LRRC49: variants seen among roughly 807,000 people sequenced by gnomAD.
LRRC49 encodes leucine-rich repeat-containing protein 49.
LRRC49 carries 50 observed loss-of-function variants against 83.3 expected under a neutral mutation model. That is an observed-to-expected ratio of 0.60 (90% CI 0.48 to 0.76). The LOEUF (loss-of-function observed/expected upper bound fraction) is 0.76, where lower values mean the gene tolerates loss of function less well. Ranked by LOEUF, LRRC49 falls within the 30% of genes least tolerant of loss-of-function variation. LRRC49 has a pLI of 0.00. For missense variants in LRRC49, 704 were observed against 809.1 expected, an observed-to-expected ratio of 0.87 and a Z score of 1.58; for synonymous variants, 286 against 283.3, an observed-to-expected ratio of 1.01 and a Z score of -0.10.
intron 14 of LRRC49, among the ~76,000 whole-genome samples, chr15:71,021,247 C>T (rs767744489): frequency 2.6e-5 from 4 of 152,056 alleles, no homozygotes; most frequent in Non-Finnish European, 4.4e-5. Flanking sequence ...CATATGTAGT[C>T]GGAAGGAGTA....
At chr15:70,879,986 G>A (rs1404093868) in intron 2 of LRRC49, among the ~76,000 whole-genome samples, 2 of 152,252 alleles carry the variant, frequency 1.3e-5, no homozygotes, top group South Asian at 2.1e-4. Context: ...CTCTGATACC[G>A]TAACATGGTC....
At chr15:71,018,962 A>G (rs1317629795) in intron 14 of LRRC49, among the ~76,000 whole-genome samples, 1 of 152,148 alleles carries the variant, frequency 6.6e-6, no homozygotes, top group Non-Finnish European at 1.5e-5. Flanking sequence ...AGATATTACA[A>G]AGGATACAGA....
chr15:70,965,386 T>G (rs1282585430), intron 9 of LRRC49, among the ~76,000 whole-genome samples: 2 of 152,122 alleles, frequency 1.3e-5, no homozygotes, highest in African/African-American at 4.8e-5. Context: ...TTTTACCAGT[T>G]ATATCAATAT....
At chr15:70,903,203 A>T (rs141179930) in intron 4 of LRRC49, among the ~76,000 whole-genome samples, 4 of 152,274 alleles carry the variant, frequency 2.6e-5, no homozygotes, top group African/African-American at 9.6e-5. Context: ...GCACAAAGAT[A>T]CAAATTTTAA....
rs1455863418 is a variant in LRRC49, at chr15:71,050,595, G to A, written c.*983G>A. On this transcript the variant is annotated 3_prime_UTR_variant, in exon 16 of 16. Transcript: ENST00000260382. ...TTTCGGTTTGCTTAGATTTTACCTA[G>A]CAGCTATTATGTCAGCAGGACCACC... is the stretch of plus-strand genomic sequence containing the variant. 1 of 152,100 alleles carries A rather than the reference G, an allele frequency of 6.6e-6. No individual in the cohort carries two copies. Among genetic ancestry groups the A allele is most frequent in the Non-Finnish European group, 1.5e-5 (1 of 68,032 alleles). 9.4% of individuals were successfully genotyped at this position (152,100 alleles called of 1,614,324 possible). A position where few individuals can be genotyped will look rare whatever the true frequency, so the allele number is the denominator to read the frequency against.
intron 10 of LRRC49, among the ~76,000 whole-genome samples, chr15:70,981,296 A>G (rs2037387589): frequency 6.9e-6 from 1 of 145,366 alleles, no homozygotes; most frequent in South Asian, 2.4e-4. Context: ...TTGAACAATG[A>G]GAACACATGG....
intron 1 of LRRC49, chr15:70,854,181 C>T (rs1488589796): frequency 5.2e-6 from 5 of 954,388 alleles, no homozygotes; most frequent in Non-Finnish European, 6.6e-6. Context: ...GGGGGCGGTG[C>T]GAGCGCGCCT....
intron 12 of LRRC49, among the ~76,000 whole-genome samples, chr15:71,009,196 T>C (rs2038564940): frequency 6.6e-6 from 1 of 151,894 alleles, no homozygotes; most frequent in South Asian, 2.1e-4. Flanking sequence ...TGGGTTTTTG[T>C]TTTTATTTTC....
At chr15:70,855,770 G>A (rs2032640782) in intron 1 of LRRC49, among the ~76,000 whole-genome samples, 1 of 152,168 alleles carries the variant, frequency 6.6e-6, no homozygotes, top group Non-Finnish European at 1.5e-5. Flanking sequence ...TGCTATTGCT[G>A]TTTCTGCACC....
Position 70,859,552 on chromosome 15 carries a change from C to T in LRRC49, c.-299+6083C>T, listed in dbSNP as rs1476403745. 10 of 669,306 alleles carry T rather than the reference C, an allele frequency of 1.5e-5. No individual in the cohort carries two copies. In the Admixed American group the frequency reaches 1.8e-4, roughly 12 times the overall value. The allele number at this position is 669,306 out of a possible 1,614,324, so 41.5% of individuals were successfully genotyped here. On this transcript the variant is annotated intron_variant, in intron 1 of 16. Transcript: ENST00000544974. ...ACCGCAGCCAGGCGGAGGCTGAGAGCATGCACCAGATCAAGTATGAGGAGC... is the reference window on the plus strand; with the variant it reads ...ACCGCAGCCAGGCGGAGGCTGAGAGTATGCACCAGATCAAGTATGAGGAGC...
intron 8 of LRRC49, among the ~76,000 whole-genome samples, chr15:70,942,547 T>C (rs1231846651): frequency 1.3e-5 from 2 of 152,344 alleles, no homozygotes; most frequent in South Asian, 2.1e-4. Flanking sequence ...CTTGTACTTA[T>C]ATTATAGAAA....
At chr15:70,936,877 G>C in intron 8 of LRRC49, 55 bp downstream of exon 8, 3 of 1,119,682 alleles carry the variant, frequency 2.7e-6, no homozygotes, top group Non-Finnish European at 4.1e-6. Context: ...GTGAGTTCTA[G>C]TGCTTTAGAT....
At chr15:71,040,078 G>A (rs890191080) in intron 15 of LRRC49, among the ~76,000 whole-genome samples, 1 of 152,174 alleles carries the variant, frequency 6.6e-6, no homozygotes, top group Non-Finnish European at 1.5e-5. Flanking sequence ...TTATAGCCAA[G>A]TGTAGTTTAT....
intron 7 of LRRC49, among the ~76,000 whole-genome samples, chr15:70,922,714 A>G (rs1296484572): frequency 1.3e-5 from 2 of 152,050 alleles, no homozygotes; most frequent in Non-Finnish European, 2.9e-5. Context: ...GAGGGGATGG[A>G]TACGCCGTTG....
intron 5 of LRRC49, chr15:70,907,944 TC>T: frequency 2.2e-6 from 1 of 456,028 alleles, no homozygotes; most frequent in South Asian, 1.5e-5. Context: ...GTAGGGGCCT[TC>T]TAGGTCAACT....
In LRRC49 at chr15:70,919,170, C is replaced by A. The variant is rs1424525041; in HGVS notation, c.688C>A (p.Arg230=). ...GGATTCACTAACTGAACTTAACTTGCGACACAATCAAATCACTTTCGTGGT... is the reference window on the plus strand; with the variant it reads ...GGATTCACTAACTGAACTTAACTTGAGACACAATCAAATCACTTTCGTGGT... ...GLDSLTELNL[R]HNQITFVRDV... is the part of the protein sequence containing the mutation. The change falls in exon 7 of 16, where the codon CGA becomes AGA. Residue 230 remains arginine (R), a synonymous_variant. Coordinates refer to ENST00000260382, the MANE Select transcript of LRRC49 (RefSeq NM_017691.5). 3 of 1,611,256 alleles carry A rather than the reference C, an allele frequency of 1.9e-6. No individual in the cohort carries two copies. The highest frequency in any genetic ancestry group is 1.3e-5 in the African/African-American group (1 of 74,894).
chr15:71,041,841 G>C (rs990344734), intron 15 of LRRC49, among the ~76,000 whole-genome samples: 1 of 152,042 alleles, frequency 6.6e-6, no homozygotes, highest in African/African-American at 2.4e-5. Flanking sequence ...AGCACTATTA[G>C]ATATTAAGGC....
rs569691030 is a variant in LRRC49, at chr15:70,951,704, C to G, written c.774-12081C>G. On this transcript the variant is annotated intron_variant, in intron 8 of 15. Transcript: ENST00000260382. ...TAGGTATAGAATTATATTGTCCATG[C>G]AGATAGACAGTTTAGCTTTCTGTCT... Among the ~76,000 whole-genome samples the G allele has an allele frequency of 3.9e-5, 6 of 152,104 alleles. No individual in the cohort carries two copies. In the South Asian group the frequency reaches 1.2e-3, roughly 32 times the overall value.
intron 6 of LRRC49, among the ~76,000 whole-genome samples, chr15:70,916,583 C>T (rs2034784670): frequency 6.6e-6 from 1 of 152,196 alleles, no homozygotes; most frequent in East Asian, 1.9e-4. Context: ...GTGTGAGCTA[C>T]CGCGCCTGGC....
Sources: allele counts gnomAD v4.1 joint callset (sites outside exome capture counted in the v4.1 genomes callset), GRCh38; gene constraint gnomAD v4.1.1; transcripts MANE v1.5; gene names NCBI Gene and HGNC (gene_info 2026-07-23, HGNC 2026-07-21).